Variants in GRM8 observed in about 807,000 individuals in gnomAD.
GRM8 encodes glutamate metabotropic receptor 8.
GRM8 carries 47 observed loss-of-function variants against 87.2 expected under a neutral mutation model. The ratio of observed to expected loss-of-function variants is 0.54; its 90% CI spans 0.43 to 0.69. The LOEUF is 0.69. Ranked by LOEUF, GRM8 falls within the 30% of genes least tolerant of loss-of-function variation. The pLI is 0.00. For missense variants in GRM8, 1,019 were observed against 1,139.2 expected (o/e 0.89, Z 1.52); for synonymous variants, 396 against 404.5 (o/e 0.98, Z 0.25).
intron 6 of GRM8, among the ~76,000 whole-genome samples, chr7:126,779,756 T>C (rs1048357116): frequency 1.3e-5 from 2 of 152,216 alleles, no homozygotes; most frequent in African/African-American, 4.8e-5. Context: ...AATTTCTATT[T>C]ATTTTTAATA....
chr7:127,218,259 G>A (rs1796695705), intron 2 of GRM8, among the ~76,000 whole-genome samples: 1 of 152,240 alleles, frequency 6.6e-6, no homozygotes, highest in South Asian at 2.1e-4. Context: ...TGCCCCAACA[G>A]TGTTGAATCA....
chr7:126,886,180 A>G (rs1488492794), intron 6 of GRM8, among the ~76,000 whole-genome samples: 1 of 152,152 alleles, frequency 6.6e-6, no homozygotes, highest in Non-Finnish European at 1.5e-5. Flanking sequence ...ACATGCACTG[A>G]AAAGTAAATC....
chr7:126,521,524 G>A (rs149981714), intron 9 of GRM8, among the ~76,000 whole-genome samples: 11 of 151,390 alleles, frequency 7.3e-5, no homozygotes, highest in East Asian at 3.9e-4. Flanking sequence ...AGAACCCTGC[G>A]GATTACCTTA....
intron 3 of GRM8, among the ~76,000 whole-genome samples, chr7:126,988,584 A>G (rs1812340614): frequency 6.6e-6 from 1 of 152,226 alleles, no homozygotes; most frequent in African/African-American, 2.4e-5. Flanking sequence ...TTCTTGTACA[A>G]ATCATTTTTC....
At chr7:126,911,142 A>G (rs114400530) in intron 3 of GRM8, among the ~76,000 whole-genome samples, 1,848 of 152,326 alleles carry the variant, frequency 0.012, 28 homozygotes, top group African/African-American at 0.039. Context: ...TCAACAGATC[A>G]TATTTTTGAA....
intron 8 of GRM8, among the ~76,000 whole-genome samples, chr7:126,555,825 C>T (rs892127555): frequency 8.5e-5 from 13 of 152,162 alleles, no homozygotes; most frequent in African/African-American, 3.1e-4. Context: ...GATTGAATCC[C>T]TCTTTGAACC....
chr7:126,727,945 T>A (rs551483324), intron 7 of GRM8, among the ~76,000 whole-genome samples: 1 of 152,266 alleles, frequency 6.6e-6, no homozygotes, highest in African/African-American at 2.4e-5. Context: ...TAATATAAGA[T>A]TACATTATTG....
intron 7 of GRM8, among the ~76,000 whole-genome samples, chr7:126,615,780 G>A (rs1211955915): frequency 6.6e-6 from 1 of 152,130 alleles, no homozygotes; most frequent in African/African-American, 2.4e-5. Context: ...GACAAAGAAG[G>A]CCATTACATA....
At chr7:126,620,087 C>A (rs1027616873) in intron 7 of GRM8, among the ~76,000 whole-genome samples, 1 of 151,976 alleles carries the variant, frequency 6.6e-6, no homozygotes, top group Non-Finnish European at 1.5e-5. Context: ...GCCAGGAGTT[C>A]AAGACCAGCC....
At chr7:127,198,579 G>T (rs2116537362) in intron 2 of GRM8, among the ~76,000 whole-genome samples, 1 of 152,144 alleles carries the variant, frequency 6.6e-6, no homozygotes, top group Non-Finnish European at 1.5e-5. Context: ...GATGTTTTGT[G>T]GTGGGTTTTT....
chr7:126,928,117 G>A (rs888013379), intron 3 of GRM8, among the ~76,000 whole-genome samples: 4 of 150,680 alleles, frequency 2.7e-5, no homozygotes, highest in Non-Finnish European at 2.9e-5. Context: ...CTAACACAAG[G>A]ACAGAAAACC....
At chr7:127,209,692 C>A (rs1484603300) in intron 2 of GRM8, among the ~76,000 whole-genome samples, 2 of 152,196 alleles carry the variant, frequency 1.3e-5, no homozygotes, top group Admixed American at 1.3e-4. Context: ...TCCTCTGGCC[C>A]TCCCCAGCTA....
At chr7:127,053,810 A>G (rs1215441440) in intron 3 of GRM8, among the ~76,000 whole-genome samples, 2 of 126,538 alleles carry the variant, frequency 1.6e-5, no homozygotes, top group African/African-American at 5.9e-5. Flanking sequence ...GGGGGGGGGA[A>G]TATACATTTC....
chr7:127,115,210 C>T (rs868234292), intron 2 of GRM8, among the ~76,000 whole-genome samples: 3 of 152,268 alleles, frequency 2.0e-5, no homozygotes, highest in Middle Eastern at 3.4e-3. Flanking sequence ...ACAAAGGAAC[C>T]TTCCACGGCA....
chr7:126,728,356 T>G (rs1813236108), intron 7 of GRM8, among the ~76,000 whole-genome samples: 1 of 152,104 alleles, frequency 6.6e-6, no homozygotes, highest in Non-Finnish European at 1.5e-5. Flanking sequence ...CTTTGCTTCC[T>G]GAAGAAATAT....
At chr7:127,195,327 A>C (rs1795226103) in intron 2 of GRM8, among the ~76,000 whole-genome samples, 1 of 152,212 alleles carries the variant, frequency 6.6e-6, no homozygotes. Flanking sequence ...CATTCAAAAC[A>C]AATAATTTTG....
At chr7:126,878,590 G>A (rs1382299436) in intron 6 of GRM8, among the ~76,000 whole-genome samples, 1 of 147,960 alleles carries the variant, frequency 6.8e-6, no homozygotes, top group Admixed American at 6.8e-5. Context: ...CACCGTCTCA[G>A]CTCACTGCAA....
At chr7:126,489,778 G>A (rs1807789587) in intron 9 of GRM8, among the ~76,000 whole-genome samples, 2 of 152,044 alleles carry the variant, frequency 1.3e-5, no homozygotes, top group Admixed American at 1.3e-4. Flanking sequence ...GTGTGTGAGT[G>A]AGTGTGTTTC....
At chr7:126,980,349 T>G (rs1301902994) in intron 3 of GRM8, among the ~76,000 whole-genome samples, 1 of 152,256 alleles carries the variant, frequency 6.6e-6, no homozygotes, top group African/African-American at 2.4e-5. Flanking sequence ...ATTTCAGTAT[T>G]AGTTTGTATC....
Sources: allele counts gnomAD v4.1 joint callset (sites outside exome capture counted in the v4.1 genomes callset), GRCh38; gene constraint gnomAD v4.1.1; transcripts MANE v1.5; gene names NCBI Gene and HGNC (gene_info 2026-07-23, HGNC 2026-07-21).